PHACTR4: variants seen among roughly 807,000 people sequenced by gnomAD.
PHACTR4 encodes the protein protein phosphatase 1, regulatory subunit 124.
Under a neutral mutation model 72.7 loss-of-function variants are expected in PHACTR4, and 51 were observed. The ratio of observed to expected loss-of-function variants is 0.70; its 90% CI spans 0.56 to 0.89. The LOEUF (loss-of-function observed/expected upper bound fraction) is 0.89, where lower values mean the gene tolerates loss of function less well. Among genes scored for constraint, PHACTR4 ranks in the 40% least tolerant of loss-of-function variants. PHACTR4 has a pLI of 0.00. For synonymous variants in PHACTR4, 255 were observed against 302.5 expected, an observed-to-expected ratio of 0.84 and a Z score of 1.63; for missense variants, 731 against 861.8, an observed-to-expected ratio of 0.85 and a Z score of 1.90.
At chr1:28,374,107 C>T (rs1220981685) in intron 1 of PHACTR4, among the ~76,000 whole-genome samples, 1 of 152,112 alleles carries the variant, frequency 6.6e-6, no homozygotes, top group Non-Finnish European at 1.5e-5. Context: ...AACATTGGTC[C>T]CATTACTTTG....
In PHACTR4 at chr1:28,498,187, C is replaced by T. The variant is rs946094221; in HGVS notation, c.*1638C>T. The T allele has an allele frequency of 1.3e-5, 2 of 152,210 alleles. No individual in the cohort carries two copies. The highest frequency in any genetic ancestry group is 2.4e-5 in the African/African-American group (1 of 41,446). 9.4% of individuals were successfully genotyped at this position (152,210 alleles called of 1,614,324 possible). On this transcript the variant is annotated 3_prime_UTR_variant, in exon 14 of 14. Transcript: ENST00000373839. ...CATTTATGAGCTGTCAGTCCCCACA[C>T]TTCTAGCCAGAATCACAATAAGGTC...
intron 1 of PHACTR4, among the ~76,000 whole-genome samples, chr1:28,394,421 G>A (rs964150115): frequency 6.6e-6 from 1 of 151,978 alleles, no homozygotes; most frequent in African/African-American, 2.4e-5. Flanking sequence ...GAATAGCTGG[G>A]ACAACAGATG....
chr1:28,476,413 A>G, intron 8 of PHACTR4, 122 bp downstream of exon 8: 1 of 1,021,590 alleles, frequency 9.8e-7, no homozygotes, highest in Non-Finnish European at 1.4e-6. Flanking sequence ...TCATCTGGCT[A>G]ACTGATGTTG....
intron 9 of PHACTR4, among the ~76,000 whole-genome samples, chr1:28,481,183 C>T (rs1660258146): frequency 6.6e-6 from 1 of 152,014 alleles, no homozygotes; most frequent in African/African-American, 2.4e-5. Context: ...CATGCGCCAC[C>T]ATGCACTGCT....
chr1:28,479,623 C>A (rs1660148613), intron 8 of PHACTR4, among the ~76,000 whole-genome samples: 2 of 150,538 alleles, frequency 1.3e-5, no homozygotes. Flanking sequence ...TGGTGGCTCA[C>A]GCCTATAATC....
At chr1:28,454,241 T>G (rs1387498910) in intron 2 of PHACTR4, among the ~76,000 whole-genome samples, 1 of 149,976 alleles carries the variant, frequency 6.7e-6, no homozygotes, top group African/African-American at 2.4e-5. Flanking sequence ...AAGCAAAAAT[T>G]AATAGAACTA....
chr1:28,441,864 T>C (rs61783850), intron 2 of PHACTR4, among the ~76,000 whole-genome samples: 58,508 of 151,792 alleles, frequency 0.39, 12,962 homozygotes, highest in African/African-American at 0.6. Flanking sequence ...TGGTGGTACT[T>C]ATCTGTAGTC....
chr1:28,419,120 G>A (rs1655327916), intron 2 of PHACTR4, among the ~76,000 whole-genome samples: 1 of 149,668 alleles, frequency 6.7e-6, no homozygotes, highest in Admixed American at 6.7e-5. Context: ...TTTTCTGCTT[G>A]TTTGGTGCCC....
chr1:28,499,200 A>G lies in PHACTR4; in HGVS notation c.*2651A>G, dbSNP rs1490400066. The stretch of plus-strand genomic sequence containing the variant: ...GCCCAGGCCGGAGTGCAATGGTGCA[A>G]TCTCAGCTCACTGCAACCTCCGCCT... On this transcript the variant is annotated 3_prime_UTR_variant, in exon 14 of 14. Coordinates refer to ENST00000373839, the MANE Select transcript of PHACTR4 (RefSeq NM_001048183.3). 3 of 151,716 alleles carry G rather than the reference A, an allele frequency of 2.0e-5. No homozygotes were observed. Among genetic ancestry groups the G allele is most frequent in the Non-Finnish European group, 4.4e-5 (3 of 68,118 alleles). The allele number at this position is 151,716 out of a possible 1,614,324, so 9.4% of individuals were successfully genotyped here. A position where few individuals can be genotyped will look rare whatever the true frequency, so the allele number is the denominator to read the frequency against.
rs143750881 is a variant in PHACTR4 at position 28,390,701 on chromosome 1, G to A, written c.-38-16709G>A. 4.1e-3 allele frequency among the ~76,000 whole-genome samples: 627 copies of A among 152,240 alleles called. 5 individuals are homozygous for A. Among genetic ancestry groups the A allele is most frequent in the African/African-American group, 0.014 (595 of 41,534 alleles). On this transcript the variant is annotated intron_variant, in intron 1 of 13. Transcript: ENST00000373839. Reference sequence around the variant, plus strand: ...CCACATACTCAGGAGGCTGAGGCAGGAGAATCACTTGAACCCCAGGGGTGG... The same window carrying A: ...CCACATACTCAGGAGGCTGAGGCAGAAGAATCACTTGAACCCCAGGGGTGG...
At chr1:28,489,805 C>T (rs778223186) in intron 10 of PHACTR4, 4 of 519,008 alleles carry the variant, frequency 7.7e-6, no homozygotes, top group South Asian at 5.6e-5. Flanking sequence ...TTAAAAGTCT[C>T]CTCACTGAGA....
intron 9 of PHACTR4, among the ~76,000 whole-genome samples, chr1:28,488,203 C>A (rs1224322677): frequency 6.6e-6 from 1 of 152,030 alleles, no homozygotes; most frequent in African/African-American, 2.4e-5. Flanking sequence ...GATTTAAAAA[C>A]CTAGCTGGGC....
At chr1:28,490,839 G>A (rs146364664) in intron 10 of PHACTR4, 112 bp from the exon 11 acceptor site, 42,912 of 1,074,640 alleles carry the variant, frequency 0.04, 3,204 homozygotes, top group African/African-American at 0.3. Context: ...GCAAAACTCC[G>A]TCTCAAAAAA....
intron 2 of PHACTR4, among the ~76,000 whole-genome samples, chr1:28,452,437 A>G (rs182757017): frequency 4.8e-4 from 73 of 152,220 alleles, no homozygotes; most frequent in African/African-American, 1.6e-3. Context: ...TCCCACCAGG[A>G]GTTGGAGGCT....
chr1:28,479,611 C>T (rs908185688), intron 8 of PHACTR4, among the ~76,000 whole-genome samples: 3 of 148,078 alleles, frequency 2.0e-5, no homozygotes, highest in East Asian at 2.0e-4. Flanking sequence ...AGAGGCCAGG[C>T]GTGGTGGCTC....
At chr1:28,398,699 A>G (rs574019922) in intron 1 of PHACTR4, among the ~76,000 whole-genome samples, 35 of 150,304 alleles carry the variant, frequency 2.3e-4, no homozygotes, top group African/African-American at 7.6e-4. Context: ...CATGCCTATA[A>G]TCCCAGCTAC....
intron 2 of PHACTR4, chr1:28,453,588 T>C (rs1658137264): frequency 5.3e-6 from 5 of 947,926 alleles, no homozygotes; most frequent in Non-Finnish European, 8.0e-6. Flanking sequence ...GGCAGCACAG[T>C]GGATGCATTT....
intron 2 of PHACTR4, among the ~76,000 whole-genome samples, chr1:28,454,199 G>T (rs1461124311): frequency 6.7e-6 from 1 of 149,814 alleles, no homozygotes; most frequent in Admixed American, 6.7e-5. Context: ...CTCTAAATTT[G>T]TATATACCTC....
At chr1:28,487,957 G>T (rs1171289677) in intron 9 of PHACTR4, among the ~76,000 whole-genome samples, 1 of 151,496 alleles carries the variant, frequency 6.6e-6, no homozygotes, top group Admixed American at 6.6e-5. Flanking sequence ...GGCTGGTTTT[G>T]AGTTCCTGAC....
Sources: gnomAD v4.1 joint callset for allele counts (sites outside exome capture counted in the v4.1 genomes callset) on GRCh38, gnomAD v4.1.1 for gene constraint, MANE v1.5 for transcripts, NCBI Gene and HGNC (gene_info 2026-07-23, HGNC 2026-07-21) for gene names.